Variants in PCDHA11 observed in about 807,000 individuals in gnomAD.
The protein encoded by PCDHA11 is protocadherin alpha-11.
In PCDHA11, 61 loss-of-function variants were observed where a neutral mutation model predicts 70.3. The ratio of observed to expected loss-of-function variants is 0.87; its 90% confidence interval spans 0.71 to 1.07. The LOEUF is 1.07. Ranked by LOEUF, PCDHA11 falls within the 50% of genes least tolerant of loss-of-function variation. PCDHA11 has a pLI of 0.00. For synonymous variants in PCDHA11, 633 were observed against 555.1 expected (o/e 1.14, Z -1.97); for missense variants, 1,324 against 1,237.5 (o/e 1.07, Z -1.05).
At chr5:140,879,297 A>G (rs573154436) in intron 1 of PCDHA11, among the ~76,000 whole-genome samples, 1 of 152,346 alleles carries the variant, frequency 6.6e-6, no homozygotes, top group African/African-American at 2.4e-5. Flanking sequence ...TAAGAGAAAA[A>G]CAAAAGTAGA....
intron 3 of PCDHA11, among the ~76,000 whole-genome samples, chr5:140,985,239 A>C (rs2097143502): frequency 6.6e-6 from 1 of 152,008 alleles, no homozygotes; most frequent in South Asian, 2.1e-4. Flanking sequence ...GCCTGGCCTA[A>C]TCTTCTTACT....
At chr5:140,967,057 A>T (rs1554229122) in intron 1 of PCDHA11, 1 of 1,612,704 alleles carries the variant, frequency 6.2e-7, no homozygotes, top group South Asian at 1.1e-5. Context: ...TGACGAGTGG[A>T]GCGCTCTTCG....
chr5:140,996,453 C>A (rs1289648745), intron 3 of PCDHA11, among the ~76,000 whole-genome samples: 2 of 152,160 alleles, frequency 1.3e-5, no homozygotes, highest in African/African-American at 4.8e-5. Flanking sequence ...AGTTGTGGTG[C>A]TAAGGGAGGA....
At chr5:140,883,416 G>T in intron 1 of PCDHA11, 1 of 1,614,158 alleles carries the variant, frequency 6.2e-7, no homozygotes, top group Non-Finnish European at 8.5e-7. Context: ...GGCTCAAATG[G>T]ACAGGTCACC....
intron 3 of PCDHA11, chr5:140,989,128 G>T (rs2097330831): frequency 1.3e-5 from 2 of 152,178 alleles, no homozygotes; most frequent in Non-Finnish European, 2.9e-5. Flanking sequence ...AGAAAAATAA[G>T]ACACTTTATC....
chr5:140,946,387 T>C (rs1168775484), intron 1 of PCDHA11, among the ~76,000 whole-genome samples: 3 of 151,786 alleles, frequency 2.0e-5, no homozygotes, highest in African/African-American at 7.3e-5. Context: ...TTGGTAGGAA[T>C]GTAAATTAGT....
intron 3 of PCDHA11, among the ~76,000 whole-genome samples, chr5:141,003,906 T>C (rs2153979379): frequency 6.6e-6 from 1 of 152,260 alleles, no homozygotes; most frequent in South Asian, 2.1e-4. Context: ...TTCATTTGGG[T>C]CTTGACTGCA....
At chr5:140,974,372 G>A (rs782769705) in intron 1 of PCDHA11, among the ~76,000 whole-genome samples, 28 of 152,076 alleles carry the variant, frequency 1.8e-4, no homozygotes, top group Non-Finnish European at 4.0e-4. Flanking sequence ...AGCACTTTCT[G>A]TTGTACTGGA....
At chr5:140,940,369 T>C (rs1554213311) in intron 1 of PCDHA11, among the ~76,000 whole-genome samples, 1 of 152,212 alleles carries the variant, frequency 6.6e-6, no homozygotes, top group Admixed American at 6.5e-5. Context: ...AAAGTATTCC[T>C]TGAGTTGTTA....
At chr5:140,983,184 T>C (rs1367703446) in intron 3 of PCDHA11, among the ~76,000 whole-genome samples, 2 of 152,192 alleles carry the variant, frequency 1.3e-5, no homozygotes, top group Non-Finnish European at 2.9e-5. Flanking sequence ...CACAATTTCT[T>C]AGTTTAGAGG....
intron 3 of PCDHA11, among the ~76,000 whole-genome samples, chr5:140,990,272 C>A (rs568200508): frequency 6.6e-6 from 1 of 152,196 alleles, no homozygotes; most frequent in African/African-American, 2.4e-5. Flanking sequence ...CAATGTACCC[C>A]GGGTCTTGAG....
At chr5:140,951,746 C>A (rs2094627797) in intron 1 of PCDHA11, among the ~76,000 whole-genome samples, 1 of 152,128 alleles carries the variant, frequency 6.6e-6, no homozygotes, top group African/African-American at 2.4e-5. Flanking sequence ...ACTGCCCTCA[C>A]CCTCCGCGAA....
intron 1 of PCDHA11, chr5:140,881,443 G>A: frequency 1.2e-6 from 1 of 818,722 alleles, no homozygotes; most frequent in Non-Finnish European, 1.5e-6. Context: ...TATAAAAACA[G>A]AATCCAAAAC....
intron 1 of PCDHA11, among the ~76,000 whole-genome samples, chr5:140,910,092 C>T (rs1554194118): frequency 6.6e-6 from 1 of 152,170 alleles, no homozygotes; most frequent in African/African-American, 2.4e-5. Context: ...GGGGAACCAG[C>T]CTCCCCTTCA....
chr5:140,997,614 A>T (rs1355709943), intron 3 of PCDHA11, among the ~76,000 whole-genome samples: 2 of 152,148 alleles, frequency 1.3e-5, no homozygotes, highest in African/African-American at 4.8e-5. Context: ...GCATGACTAT[A>T]TAGAGATTTT....
chr5:140,882,935 ACTGGCACAGTTCAG>A (rs2153388631), intron 1 of PCDHA11: 1 of 1,614,238 alleles, frequency 6.2e-7, no homozygotes, highest in East Asian at 2.2e-5. Flanking sequence ...ACCCGAGCTG[ACTGGCACAGTTCAG>A]CTGCTCATCA....
At chr5:140,995,416 T>G (rs2097682772) in intron 3 of PCDHA11, among the ~76,000 whole-genome samples, 1 of 152,228 alleles carries the variant, frequency 6.6e-6, no homozygotes, top group African/African-American at 2.4e-5. Context: ...TTCATCACAT[T>G]ACTCAGAACA....
intron 1 of PCDHA11, among the ~76,000 whole-genome samples, chr5:140,956,920 T>C (rs2095320734): frequency 1.3e-5 from 2 of 152,120 alleles, no homozygotes; most frequent in Non-Finnish European, 2.9e-5. Flanking sequence ...ACTTTAATCT[T>C]GCTGGATATA....
At chr5:140,926,185 GCAGCACTT>G (rs1563077744) in intron 1 of PCDHA11, among the ~76,000 whole-genome samples, 1 of 151,672 alleles carries the variant, frequency 6.6e-6, no homozygotes, top group East Asian at 1.9e-4. Flanking sequence ...AAAGCCCCCC[GCAGCACTT>G]CTTTCGGGGG....
Sources: gnomAD v4.1 joint callset for allele counts (sites outside exome capture counted in the v4.1 genomes callset) on GRCh38, gnomAD v4.1.1 for gene constraint, MANE v1.5 for transcripts, NCBI Gene and HGNC (gene_info 2026-07-23, HGNC 2026-07-21) for gene names.